Variants in FMNL3 observed in about 807,000 individuals in gnomAD.
The protein encoded by FMNL3 is formin-like protein 3.
Under a neutral mutation model 119.6 loss-of-function variants are expected in FMNL3, and 57 were observed. The ratio of observed to expected loss-of-function variants is 0.48; its 90% confidence interval spans 0.39 to 0.59. The LOEUF is 0.59. FMNL3 is among the 20% of genes least tolerant of loss of function. The pLI, the probability that FMNL3 is intolerant of heterozygous loss-of-function variation, is 0.00. For synonymous variants in FMNL3, 491 were observed against 507.3 expected (o/e 0.97, Z 0.43); for missense variants, 1,053 against 1,323.5 (o/e 0.80, Z 3.17).
intron 1 of FMNL3, among the ~76,000 whole-genome samples, chr12:49,669,443 TAGG>T (rs1171878472): frequency 6.6e-6 from 1 of 152,184 alleles, no homozygotes; most frequent in Non-Finnish European, 1.5e-5. Flanking sequence ...CTACCCATGC[TAGG>T]AGGCTACGTT....
Position 49,636,592 on chromosome 12 carries a change from T to C in FMNL3, c.*9223A>G. The C allele has an allele frequency of 2.2e-6, 3 of 1,376,280 alleles. No individual in the cohort carries two copies. Among genetic ancestry groups the C allele is most frequent in the South Asian group, 2.6e-5 (2 of 76,800 alleles). 85.3% of individuals were successfully genotyped at this position (1,376,280 alleles called of 1,614,324 possible). ...CTCCCACAGAGCCCCCTCCAGGCCC[T>C]TCCCCCACCACCCTGGGTATCCCTA... On this transcript the variant is annotated 3_prime_UTR_variant, in exon 26 of 26. Transcript: ENST00000335154.
intron 1 of FMNL3, chr12:49,688,765 C>G (rs943635870): frequency 3.7e-6 from 1 of 268,272 alleles, no homozygotes; most frequent in Middle Eastern, 1.3e-3. Flanking sequence ...AGTGCTTGGC[C>G]TGGATAATTA....
Position 49,636,874 on chromosome 12 carries a change from C to G in FMNL3, c.*8941G>C. 1.2e-6 allele frequency: 2 copies of G among 1,612,722 alleles called. No homozygotes were observed. Among genetic ancestry groups the G allele is most frequent in the Non-Finnish European group, 1.7e-6 (2 of 1,179,916 alleles). On this transcript the variant is annotated 3_prime_UTR_variant, in exon 26 of 26. Coordinates refer to ENST00000335154, the MANE Select transcript of FMNL3 (RefSeq NM_175736.5). ...GGTATCTTTGCTGTCCTTTCTAGAT[C>G]AGAGCTCAGCTCTGCCCTAGAGCAC... is the stretch of plus-strand genomic sequence containing the variant.
intron 1 of FMNL3, among the ~76,000 whole-genome samples, chr12:49,684,824 C>T (rs945115522): frequency 6.6e-6 from 1 of 152,162 alleles, no homozygotes; most frequent in Non-Finnish European, 1.5e-5. Flanking sequence ...TGCCAAGGGC[C>T]TGAGGATAAT....
In FMNL3 at chr12:49,642,727, C is replaced by T. The variant is rs765315590; in HGVS notation, c.*3088G>A. On this transcript the variant is annotated 3_prime_UTR_variant, in exon 26 of 26. Transcript: ENST00000335154. This position sits in a 1 kb window ranked among gnomAD's most constrained non-coding sequence, Gnocchi z 5.8. ...GCCTCAGGCCCTTGAACTCATTAGA[C>T]CAGTTCAACAGAGACCTCAGTGGCC... 6.4e-6 allele frequency: 10 copies of T among 1,564,712 alleles called. No homozygotes were observed. Among genetic ancestry groups the T allele is most frequent in the Admixed American group, 1.8e-5 (1 of 55,594 alleles).
In FMNL3 at chr12:49,642,495, C is replaced by A; in HGVS notation, c.*3320G>T. 6.3e-7 allele frequency: 1 copy of A among 1,576,456 alleles called. No individual in the cohort carries two copies. The highest frequency in any genetic ancestry group is 8.7e-7 in the Non-Finnish European group (1 of 1,148,290). ...AGCTCCAGTTCCCTTCCTTTCTCTG[C>A]CCCAGCCCTGCCCTGTGCTCATGGC... On this transcript the variant is annotated 3_prime_UTR_variant, in exon 26 of 26. Coordinates refer to ENST00000335154, the MANE Select transcript of FMNL3 (RefSeq NM_175736.5). The surrounding 1 kb of genome is among the most constrained non-coding windows in gnomAD (Gnocchi z 5.8).
chr12:49,661,748 T>C, intron 5 of FMNL3: 2 of 566,436 alleles, frequency 3.5e-6, no homozygotes, highest in South Asian at 4.2e-5. Flanking sequence ...CCAAAATGCA[T>C]CTTATCTTCT....
At position 49,641,237 on chromosome 12, in the gene FMNL3, A is replaced by AC. The variant is rs1942604154; in HGVS notation, c.*4577dup. 6.6e-6 allele frequency: 1 copy of AC among 152,244 alleles called. No individual in the cohort carries two copies. Among genetic ancestry groups the AC allele is most frequent in the Middle Eastern group, 3.2e-3 (1 of 316 alleles). 9.4% of individuals were successfully genotyped at this position (152,244 alleles called of 1,614,324 possible). A position where few individuals can be genotyped will look rare whatever the true frequency, so the allele number is the denominator to read the frequency against. ...GTTTTTAGTATTGGTGGGGAGCTGC[A>AC]CACCTGGTGGCCTCCGTTTCTCCCA... On this transcript the variant is annotated 3_prime_UTR_variant, in exon 26 of 26. Coordinates refer to ENST00000335154, the MANE Select transcript of FMNL3 (RefSeq NM_175736.5).
chr12:49,654,013 G>A (rs997843371), intron 11 of FMNL3, 139 bp from the exon 12 acceptor site: 14 of 1,322,420 alleles, frequency 1.1e-5, no homozygotes, highest in South Asian at 5.8e-5. Flanking sequence ...TCAGATTCTC[G>A]CCCCCATGGA....
chr12:49,648,602 C>G (rs1943290377), intron 21 of FMNL3, among the ~76,000 whole-genome samples: 1 of 152,236 alleles, frequency 6.6e-6, no homozygotes, highest in African/African-American at 2.4e-5. Context: ...GACTGCTGGT[C>G]TCCAAAATGA....
At chr12:49,668,875 T>C (rs968774467) in intron 1 of FMNL3, among the ~76,000 whole-genome samples, 27 of 152,224 alleles carry the variant, frequency 1.8e-4, no homozygotes, top group Non-Finnish European at 7.3e-5. Context: ...GAAGCTTTAG[T>C]TTCTTTTCTA....
chr12:49,660,006 G>A, intron 5 of FMNL3: 1 of 976,772 alleles, frequency 1.0e-6, no homozygotes, highest in Non-Finnish European at 1.2e-6. Context: ...TCCAAAGGAA[G>A]TGGGAGCAGG....
At chr12:49,691,937 A>G (rs184466443) in intron 1 of FMNL3, among the ~76,000 whole-genome samples, 1 of 148,434 alleles carries the variant, frequency 6.7e-6, no homozygotes, top group East Asian at 2.0e-4. Flanking sequence ...CGGAAGGCTG[A>G]GGCAGGAGAA....
chr12:49,699,919 C>T (rs1208987492), intron 1 of FMNL3, among the ~76,000 whole-genome samples: 6 of 152,324 alleles, frequency 3.9e-5, no homozygotes, highest in African/African-American at 1.4e-4. Context: ...CATATACTAT[C>T]AGTGGAAAAG....
In FMNL3 at chr12:49,656,439, C is replaced by T. The variant is rs181518753; in HGVS notation, c.850G>A (p.Glu284Lys). The T allele has an allele frequency of 4.3e-6, 7 of 1,614,074 alleles. No individual in the cohort carries two copies. The highest frequency in any genetic ancestry group is 1.6e-4 in the Middle Eastern group (1 of 6,062). ...AAVCLVRGGHEIILAAFDNFK... is the reference protein window; with the variant it reads ...AAVCLVRGGHKIILAAFDNFK... Reference sequence around the variant, plus strand: ...TTGTCAAAGGCAGCAAGGATGATTTCGTGACCTCCTCGCACCAAACACACA... The same window carrying T: ...TTGTCAAAGGCAGCAAGGATGATTTTGTGACCTCCTCGCACCAAACACACA... Residue 284 changes from glutamate to lysine, a missense_variant, in exon 9 of 26, where the codon GAA becomes AAA. Glu to Lys is a moderately conservative substitution (Grantham distance 56). Around this residue, in one of 4 missense-constraint regions of FMNL3, gnomAD observed 445 missense variants for 628.4 expected, o/e 0.71. Transcript: ENST00000335154.
intron 1 of FMNL3, among the ~76,000 whole-genome samples, chr12:49,685,178 G>A (rs563116072): frequency 1.3e-5 from 2 of 152,238 alleles, no homozygotes; most frequent in African/African-American, 2.4e-5. Context: ...CTTGGTAAAC[G>A]CCCCCAGTTT....
chr12:49,682,692 G>T (rs995032685), intron 1 of FMNL3, among the ~76,000 whole-genome samples: 3 of 152,150 alleles, frequency 2.0e-5, no homozygotes, highest in Admixed American at 2.0e-4. Flanking sequence ...TAAATGTATA[G>T]TTGAATAGTA....
Position 49,642,608 on chromosome 12 carries a change from C to T in FMNL3, c.*3207G>A. ...CGTGAGCGTTTTGTGTGTGACTCAG[C>T]CTTTGAGCAGATCACCCTGGAGTCG... On this transcript the variant is annotated 3_prime_UTR_variant, in exon 26 of 26. Coordinates refer to ENST00000335154, the MANE Select transcript of FMNL3 (RefSeq NM_175736.5). The surrounding 1 kb of genome is among the most constrained non-coding windows in gnomAD (Gnocchi z 5.8). 1.9e-6 allele frequency: 3 copies of T among 1,614,226 alleles called. No homozygotes were observed. Among genetic ancestry groups the T allele is most frequent in the Non-Finnish European group, 2.5e-6 (3 of 1,180,036 alleles).
chr12:49,662,955 A>G (rs756089606), intron 4 of FMNL3, among the ~76,000 whole-genome samples: 4 of 152,180 alleles, frequency 2.6e-5, no homozygotes, highest in Non-Finnish European at 5.9e-5. Context: ...GGGTCTTTAT[A>G]GGAAAGCTCC....
Sources: allele counts gnomAD v4.1 joint callset (sites outside exome capture counted in the v4.1 genomes callset), GRCh38; gene constraint gnomAD v4.1.1; regional missense constraint gnomAD v4.1.1; non-coding constraint Gnocchi (gnomAD v3.1); transcripts MANE v1.5; gene names NCBI Gene and HGNC (gene_info 2026-07-23, HGNC 2026-07-21).